KYAT1: variants seen among roughly 807,000 people sequenced by gnomAD.
KYAT1 encodes the protein kynurenine aminotransferase 1.
Under a neutral mutation model 52.4 loss-of-function variants are expected in KYAT1, and 47 were observed. That is an observed-to-expected ratio of 0.90 (90% CI 0.71 to 1.14). KYAT1 has a LOEUF of 1.14. KYAT1 is among the 50% of genes most tolerant of loss of function. The pLI is 0.00. For synonymous variants in KYAT1, 212 were observed against 209.6 expected (o/e 1.01, Z -0.10); for missense variants, 480 against 557.9 (o/e 0.86, Z 1.41).
At chr9:128,863,078 C>T (rs989115887) in intron 1 of KYAT1, among the ~76,000 whole-genome samples, 10 of 151,888 alleles carry the variant, frequency 6.6e-5, no homozygotes, top group South Asian at 2.1e-4. Flanking sequence ...CCGCCCGCCT[C>T]GGCCTCCCAA....
At chr9:128,845,035 G>A (rs1832846797) in intron 2 of KYAT1, among the ~76,000 whole-genome samples, 1 of 152,146 alleles carries the variant, frequency 6.6e-6, no homozygotes. Flanking sequence ...CTTGGTGCCT[G>A]GGTAGAATGG....
chr9:128,857,308 A>G (rs1266839472), intron 1 of KYAT1, among the ~76,000 whole-genome samples: 3 of 152,210 alleles, frequency 2.0e-5, no homozygotes, highest in Non-Finnish European at 4.4e-5. Flanking sequence ...TCAGAAACCG[A>G]TGCTGGTGCA....
rs150976287 is a variant in KYAT1 at position 128,872,154 on chromosome 9, T to C, written c.-7+9743A>G. Among the ~76,000 whole-genome samples, 559 of 118,268 alleles carry C rather than the reference T, an allele frequency of 4.7e-3. 12 individuals carry two copies. The highest frequency in any genetic ancestry group is 0.046 in the East Asian group (174 of 3,750). The allele number at this position is 118,268 out of a possible 152,430, so 77.6% of individuals were successfully genotyped here. On this transcript the variant is annotated intron_variant, in intron 1 of 12. Transcript: ENST00000302586. ...AAAAAAAAAAAAAAAAAAAAGACCA[T>C]GTTGAATTGGCTGGGCATGGTGGCT...
At chr9:128,860,716 C>T (rs908492255) in intron 1 of KYAT1, among the ~76,000 whole-genome samples, 3 of 152,082 alleles carry the variant, frequency 2.0e-5, no homozygotes, top group African/African-American at 7.2e-5. Flanking sequence ...TCGCATTCCA[C>T]CATGCCTGGC....
At chr9:128,860,684 G>A (rs1436445169) in intron 1 of KYAT1, among the ~76,000 whole-genome samples, 8 of 151,434 alleles carry the variant, frequency 5.3e-5, no homozygotes, top group Non-Finnish European at 1.0e-4. Context: ...TCCTGCCTCA[G>A]CCTAAGTAAC....
At chr9:128,879,831 G>A (rs1838555182) in intron 1 of KYAT1, among the ~76,000 whole-genome samples, 1 of 152,200 alleles carries the variant, frequency 6.6e-6, no homozygotes, top group Non-Finnish European at 1.5e-5. Context: ...TCAGCACGGG[G>A]GCGCTCAACT....
chr9:128,834,444 A>G (rs1177237996), intron 11 of KYAT1, among the ~76,000 whole-genome samples: 3 of 151,968 alleles, frequency 2.0e-5, no homozygotes, highest in Admixed American at 6.6e-5. Flanking sequence ...TAATGGGCCA[A>G]CTCCTCACTG....
intron 1 of KYAT1, among the ~76,000 whole-genome samples, chr9:128,874,101 C>T (rs1260771311): frequency 6.6e-6 from 1 of 150,590 alleles, no homozygotes; most frequent in East Asian, 2.0e-4. Flanking sequence ...ATTAAATACA[C>T]AAAAATTAGC....
At chr9:128,839,153 G>A (rs189966167) in intron 3 of KYAT1, among the ~76,000 whole-genome samples, 154 of 151,866 alleles carry the variant, frequency 1.0e-3, no homozygotes, top group Non-Finnish European at 1.9e-3. Flanking sequence ...TAGTGGAGAC[G>A]GGGTTTCACC....
intron 1 of KYAT1, chr9:128,860,617 G>A (rs1181810517): frequency 4.0e-5 from 6 of 150,882 alleles, no homozygotes; most frequent in African/African-American, 1.2e-4. Flanking sequence ...CCAGGGTGGA[G>A]TGCAGTTGCG....
chr9:128,845,291 C>A, intron 2 of KYAT1, 62 bp downstream of exon 2: 1 of 1,436,178 alleles, frequency 7.0e-7, no homozygotes. Context: ...GCTGTAAACC[C>A]AGGGATGGCC....
At chr9:128,839,580 G>A (rs1050846520) in intron 3 of KYAT1, among the ~76,000 whole-genome samples, 6 of 151,672 alleles carry the variant, frequency 4.0e-5, no homozygotes, top group African/African-American at 1.5e-4. Flanking sequence ...AGCCGAGATC[G>A]CGCCACTGCA....
At chr9:128,861,066 T>C (rs1306666657) in intron 1 of KYAT1, among the ~76,000 whole-genome samples, 2 of 152,228 alleles carry the variant, frequency 1.3e-5, no homozygotes, top group Non-Finnish European at 2.9e-5. Flanking sequence ...ATAGACTTGC[T>C]TGGTGCAAGG....
intron 3 of KYAT1, chr9:128,840,486 G>C: frequency 2.9e-6 from 1 of 350,398 alleles, no homozygotes; most frequent in South Asian, 2.3e-5. Flanking sequence ...CCTGACCTCA[G>C]GTGATCTGCC....
chr9:128,845,697 G>A (rs1365565214), intron 1 of KYAT1, among the ~76,000 whole-genome samples: 1 of 152,210 alleles, frequency 6.6e-6, no homozygotes, highest in African/African-American at 2.4e-5. Context: ...CTGGCTCCAT[G>A]CGTCCTGAGA....
intron 6 of KYAT1, 96 bp from the exon 7 acceptor site, chr9:128,837,018 G>A (rs951161625): frequency 6.7e-7 from 1 of 1,482,716 alleles, no homozygotes; most frequent in East Asian, 2.3e-5. Flanking sequence ...CTGCGGCCAG[G>A]TGCGGTGGCT....
At chr9:128,835,908 A>T (rs750244620) in intron 8 of KYAT1, 40 bp from the exon 9 acceptor site, 2 of 1,610,584 alleles carry the variant, frequency 1.2e-6, no homozygotes, top group Admixed American at 1.7e-5. Flanking sequence ...GTCCTTCCAG[A>T]CCTGGCTAAA....
chr9:128,854,921 A>G (rs552485143), intron 1 of KYAT1, among the ~76,000 whole-genome samples: 1 of 152,332 alleles, frequency 6.6e-6, no homozygotes, highest in South Asian at 2.1e-4. Flanking sequence ...CCTACAACCC[A>G]AAATTGGTTG....
chr9:128,871,276 C>T (rs1475904863), intron 1 of KYAT1, among the ~76,000 whole-genome samples: 1 of 151,868 alleles, frequency 6.6e-6, no homozygotes, highest in Non-Finnish European at 1.5e-5. Flanking sequence ...CAAGATTGTG[C>T]CACTGTACTC....
Sources: allele counts gnomAD v4.1 joint callset (sites outside exome capture counted in the v4.1 genomes callset), GRCh38; gene constraint gnomAD v4.1.1; transcripts MANE v1.5; gene names NCBI Gene and HGNC (gene_info 2026-07-23, HGNC 2026-07-21).